The following INHBC variants were observed in gnomAD, a reference collection of about 807,000 sequenced individuals.
The protein encoded by INHBC is inhibin subunit beta C.
INHBC carries 10 observed loss-of-function variants against 12.4 expected under a neutral mutation model. The observed-to-expected ratio is 0.81, with a 90% CI of 0.50 to 1.37. The LOEUF (loss-of-function observed/expected upper bound fraction) is 1.37, where lower values mean the gene tolerates loss of function less well. Ranked by LOEUF, INHBC falls within the 40% of genes most tolerant of loss-of-function variation. The probability of loss-of-function intolerance (pLI) is 0.00; values close to 1 mark genes in which losing one functional copy is unlikely to be tolerated. For synonymous variants in INHBC, 147 were observed against 171.6 expected (o/e 0.86, Z 1.12); for missense variants, 382 against 439.4 (o/e 0.87, Z 1.17).
chr12:57,451,052 G>C lies in INHBC; in HGVS notation c.*1030G>C, dbSNP rs1594732055. Among the ~76,000 whole-genome samples, 1 of 152,188 alleles carries C rather than the reference G, an allele frequency of 6.6e-6. No homozygotes were observed. Among genetic ancestry groups the C allele is most frequent in the Non-Finnish European group, 1.5e-5 (1 of 68,044 alleles). On this transcript the variant is annotated 3_prime_UTR_variant, in exon 2 of 2. Coordinates refer to ENST00000309668, the MANE Select transcript of INHBC (RefSeq NM_005538.4). ...ACAGAGCCTGCCTGCTTATGCTGTA[G>C]TCTGCCTACTCTGCTGTCTCTTCAC... is the stretch of plus-strand genomic sequence containing the variant.
At chr12:57,441,663 A>G (rs1468170369) in intron 1 of INHBC, among the ~76,000 whole-genome samples, 1 of 149,208 alleles carries the variant, frequency 6.7e-6, no homozygotes, top group Admixed American at 6.9e-5. Flanking sequence ...TTAAAACAAC[A>G]CATTCATTAT....
intron 1 of INHBC, among the ~76,000 whole-genome samples, chr12:57,436,141 G>A (rs1464838514): frequency 3.3e-5 from 5 of 149,872 alleles, no homozygotes; most frequent in African/African-American, 4.9e-5. Flanking sequence ...CACCGCGCCC[G>A]GCAACCCTGT....
rs752720000 is a variant in INHBC at position 57,451,060 on chromosome 12, A to T, written c.*1038A>T. Among the ~76,000 whole-genome samples, 2 of 152,006 alleles carry T rather than the reference A, an allele frequency of 1.3e-5. No homozygotes were observed. The highest frequency in any genetic ancestry group is 2.4e-5 in the African/African-American group (1 of 41,382). On this transcript the variant is annotated 3_prime_UTR_variant, in exon 2 of 2. Coordinates refer to ENST00000309668, the MANE Select transcript of INHBC (RefSeq NM_005538.4). ...TGCCTGCTTATGCTGTAGTCTGCCT[A>T]CTCTGCTGTCTCTTCACATGGTCTC...
intron 1 of INHBC, among the ~76,000 whole-genome samples, chr12:57,437,298 A>G (rs1012038335): frequency 2.6e-5 from 4 of 152,182 alleles, no homozygotes; most frequent in Admixed American, 6.6e-5. Flanking sequence ...AGGAAGAGAG[A>G]TAGTTACTTC....
chr12:57,441,860 T>C (rs1434714778), intron 1 of INHBC, among the ~76,000 whole-genome samples: 1 of 151,992 alleles, frequency 6.6e-6, no homozygotes, highest in Non-Finnish European at 1.5e-5. Context: ...TTTGTATTTT[T>C]AGTAGAGACA....
Position 57,449,677 on chromosome 12 carries a change from C to T in INHBC, c.714C>T (p.Ile238=), listed in dbSNP as rs768624521. The change falls in exon 2 of 2, where the codon ATC becomes ATT. Residue 238 remains isoleucine, a synonymous_variant. Transcript: ENST00000309668. ...AACACCAGATTCACCGACGAGGCATCGACTGCCAAGGAGGGTCCAGGATGT... is the reference window on the plus strand; with the variant it reads ...AACACCAGATTCACCGACGAGGCATTGACTGCCAAGGAGGGTCCAGGATGT... ...GGKHQIHRRG[I]DCQGGSRMCC... is the part of the protein sequence containing the mutation. 4 of 1,614,236 alleles carry T rather than the reference C, an allele frequency of 2.5e-6. No homozygotes were observed. The highest frequency in any genetic ancestry group is 2.2e-5 in the East Asian group (1 of 44,894).
intron 1 of INHBC, among the ~76,000 whole-genome samples, chr12:57,438,635 T>C (rs969324176): frequency 2.6e-5 from 4 of 152,288 alleles, no homozygotes; most frequent in South Asian, 2.1e-4. Flanking sequence ...AAGCAAGTCA[T>C]TGTAGCCAAG....
At chr12:57,443,523 A>G (rs1205645874) in intron 1 of INHBC, among the ~76,000 whole-genome samples, 3 of 152,022 alleles carry the variant, frequency 2.0e-5, no homozygotes, top group African/African-American at 4.8e-5. Flanking sequence ...ACCTCAGGTG[A>G]TCCACCCACC....
At chr12:57,447,922 T>TATATATATGTAA (rs1324931217) in intron 1 of INHBC, among the ~76,000 whole-genome samples, 1 of 75,622 alleles carries the variant, frequency 1.3e-5, no homozygotes, top group African/African-American at 5.3e-5. Context: ...TATATATATA[T>TATATATATGTAA]AAAATATATG....
intron 1 of INHBC, among the ~76,000 whole-genome samples, chr12:57,442,800 GC>G (rs1197422190): frequency 2.0e-5 from 3 of 152,028 alleles, no homozygotes; most frequent in African/African-American, 7.2e-5. Context: ...GACCAGCCTG[GC>G]CAACATGGGG....
Position 57,451,837 on chromosome 12 carries a change from C to T in INHBC, c.*1815C>T, listed in dbSNP as rs1320092226. 8.8e-6 allele frequency: 4 copies of T among 455,650 alleles called. No individual in the cohort carries two copies. The highest frequency in any genetic ancestry group is 8.0e-5 in the African/African-American group (4 of 49,982). The allele number at this position is 455,650 out of a possible 1,614,324, so 28.2% of individuals were successfully genotyped here. ...GGTGTCTCCCCCACACATCCCCGAC[C>T]CCCAGATCTAACCTCCTTCCCAATT... On this transcript the variant is annotated 3_prime_UTR_variant, in exon 2 of 2. Coordinates refer to ENST00000309668, the MANE Select transcript of INHBC (RefSeq NM_005538.4).
rs1224467934 is a variant in INHBC at position 57,449,931 on chromosome 12, G to A, written c.968G>A (p.Arg323His). The change falls in exon 2 of 2, where the codon CGC becomes CAC. Residue 323 changes from arginine (R) to histidine (H), a missense_variant. By Grantham distance (29) the Arg-to-His change is conservative. Transcript: ENST00000309668. ...GGSCCVPTAR[R>H]PLSLLYYDRD... ...TCATGCTGTGTACCCACGGCCCGGCGCCCCCTGTCTCTGCTCTATTATGAC... is the reference window on the plus strand; with the variant it reads ...TCATGCTGTGTACCCACGGCCCGGCACCCCCTGTCTCTGCTCTATTATGAC... The A allele has an allele frequency of 5.0e-6, 8 of 1,587,512 alleles. No individual in the cohort carries two copies. Among genetic ancestry groups the A allele is most frequent in the East Asian group, 2.2e-5 (1 of 44,612 alleles).
chr12:57,443,151 C>A (rs1002223302), intron 1 of INHBC, among the ~76,000 whole-genome samples: 2 of 102,794 alleles, frequency 1.9e-5, no homozygotes, highest in African/African-American at 7.8e-5. Flanking sequence ...CGGAGTCTTG[C>A]TCTGTTGCCA....
At chr12:57,445,730 A>C (rs1318272444) in intron 1 of INHBC, among the ~76,000 whole-genome samples, 9 of 109,192 alleles carry the variant, frequency 8.2e-5, no homozygotes, top group South Asian at 4.1e-4. Context: ...GCCCATCTCC[A>C]TGTAAATTTT....
At chr12:57,435,505 GC>G (rs1332601034) in intron 1 of INHBC, among the ~76,000 whole-genome samples, 1 of 152,190 alleles carries the variant, frequency 6.6e-6, no homozygotes, top group Non-Finnish European at 1.5e-5. Context: ...TGTGGTGTGA[GC>G]CCATCCACTT....
At chr12:57,444,713 C>G (rs1427102770) in intron 1 of INHBC, among the ~76,000 whole-genome samples, 1 of 152,038 alleles carries the variant, frequency 6.6e-6, no homozygotes, top group African/African-American at 2.4e-5. Flanking sequence ...CAGCCTTGCT[C>G]TGTTGCCCAG....
intron 1 of INHBC, among the ~76,000 whole-genome samples, chr12:57,441,159 G>C (rs1487923283): frequency 6.6e-6 from 1 of 152,000 alleles, no homozygotes; most frequent in Middle Eastern, 3.2e-3. Flanking sequence ...TTCGAGATCA[G>C]CCTGACCAAC....
At chr12:57,444,340 G>A (rs1007107969) in intron 1 of INHBC, among the ~76,000 whole-genome samples, 4 of 151,900 alleles carry the variant, frequency 2.6e-5, no homozygotes, top group Admixed American at 1.3e-4. Context: ...CAGGAGTTCC[G>A]GAGCGGCCTG....
rs143911610 is a variant in INHBC at position 57,452,022 on chromosome 12, A to G, written c.*2000A>G. Among the ~76,000 whole-genome samples, 76 of 152,344 alleles carry G rather than the reference A, an allele frequency of 5.0e-4. No individual in the cohort carries two copies. In the East Asian group the frequency reaches 0.014, roughly 29 times the overall value. On this transcript the variant is annotated 3_prime_UTR_variant, in exon 2 of 2. Transcript: ENST00000309668. ...AATTAATGCAAAAAATCCATGATGA[A>G]CAAAATAGCCTACTTTTAAATAAAA...
Sources: gnomAD v4.1 joint callset for allele counts (sites outside exome capture counted in the v4.1 genomes callset) on GRCh38, gnomAD v4.1.1 for gene constraint, MANE v1.5 for transcripts, NCBI Gene and HGNC (gene_info 2026-07-23, HGNC 2026-07-21) for gene names.